The following VWA8 variants were observed in gnomAD, a reference collection of about 807,000 sequenced individuals.
The protein encoded by VWA8 is von Willebrand factor A domain containing 8, also known as von Willebrand factor A domain-containing protein 8.
Under a neutral mutation model 241.5 loss-of-function variants are expected in VWA8, and 221 were observed. The ratio of observed to expected loss-of-function variants is 0.91; its 90% CI spans 0.82 to 1.02. The LOEUF (loss-of-function observed/expected upper bound fraction) is 1.02. Ranked by LOEUF, VWA8 falls within the 50% of genes least tolerant of loss-of-function variation. The pLI is 0.00. For synonymous variants in VWA8, 852 were observed against 827.1 expected, an observed-to-expected ratio of 1.03 and a Z score of -0.52; for missense variants, 2,322 against 2,328.7, an observed-to-expected ratio of 1.00 and a Z score of 0.06.
chr13:41,793,146 A>G (rs1300421407), intron 17 of VWA8, among the ~76,000 whole-genome samples: 1 of 152,082 alleles, frequency 6.6e-6, no homozygotes, highest in Non-Finnish European at 1.5e-5. Context: ...TTCTGCTTGT[A>G]GTTTACTAAG....
At chr13:41,747,693 C>T (rs188778345) in intron 21 of VWA8, among the ~76,000 whole-genome samples, 2,259 of 152,224 alleles carry the variant, frequency 0.015, 29 homozygotes, top group Middle Eastern at 0.054. Context: ...AAAGGGAATG[C>T]TTCCAGTTTT....
rs186133453 is a variant in VWA8 at position 41,721,623 on chromosome 13, G to A, written c.2759-48C>T. On this transcript the variant is annotated intron_variant, in intron 24 of 44. Transcript: ENST00000379310. The stretch of plus-strand genomic sequence containing the variant: ...ATTCAGTATGCAACAAATCCATTAC[G>A]ATGTCACAGGAAAAAATGGAATGGT... The A allele has an allele frequency of 2.7e-4, 417 of 1,544,570 alleles. 1 individual carries two copies. Among genetic ancestry groups the A allele is most frequent in the Middle Eastern group, 1.4e-3 (8 of 5,756 alleles).
chr13:41,944,750 T>C (rs1339416479), intron 2 of VWA8, among the ~76,000 whole-genome samples: 1 of 152,188 alleles, frequency 6.6e-6, no homozygotes, highest in Admixed American at 6.5e-5. Context: ...CCTGAAATGC[T>C]CCATTTTTAG....
chr13:41,770,440 CAA>C lies in VWA8; in HGVS notation c.2349+7543_2349+7544del, dbSNP rs35797822. Among the ~76,000 whole-genome samples the C allele has an allele frequency of 6.5e-4, 67 of 102,412 alleles. No homozygotes were observed. The East Asian group carries it at 8.2e-3, about 12-fold the overall frequency. 67.2% of individuals were successfully genotyped at this position (102,412 alleles called of 152,430 possible). ...TGGGCGACAGAGCGAGACTCCGTTT[CAA>C]AAAAAAAAAAAAAAAGAAAAGAAAC... On this transcript the variant is annotated intron_variant, in intron 20 of 44. Coordinates refer to ENST00000379310, the MANE Select transcript of VWA8 (RefSeq NM_015058.2).
intron 2 of VWA8, among the ~76,000 whole-genome samples, chr13:41,924,832 T>TA (rs1876753518): frequency 6.6e-6 from 1 of 152,140 alleles, no homozygotes; most frequent in Admixed American, 6.5e-5. Flanking sequence ...TACATATGTA[T>TA]ACATGTGCCA....
intron 43 of VWA8, among the ~76,000 whole-genome samples, chr13:41,571,689 G>A (rs1297639938): frequency 3.3e-5 from 5 of 152,152 alleles, no homozygotes; most frequent in African/African-American, 4.8e-5. Context: ...GCGTGATCTC[G>A]GCTCGCTGCA....
intron 2 of VWA8, among the ~76,000 whole-genome samples, chr13:41,931,594 A>T (rs1877123737): frequency 6.6e-6 from 1 of 152,008 alleles, no homozygotes; most frequent in African/African-American, 2.4e-5. Flanking sequence ...CAAAAAAAAC[A>T]TGAGTAACTA....
In VWA8 at chr13:41,872,610, C is replaced by T. The variant is rs549560924; in HGVS notation, c.1081-4133G>A. Among the ~76,000 whole-genome samples, 12 of 152,268 alleles carry T rather than the reference C, an allele frequency of 7.9e-5. No individual in the cohort carries two copies. The East Asian group carries it at 1.7e-3, about 22-fold the overall frequency. ...TTTCTCAGGTTTGTCAAAGATCAGA[C>T]AGTTGTAGATATATGGCGTTATTTC... On this transcript the variant is annotated intron_variant, in intron 9 of 44. Coordinates refer to ENST00000379310, the MANE Select transcript of VWA8 (RefSeq NM_015058.2).
At chr13:41,606,658 T>A (rs1302990812) in intron 39 of VWA8, among the ~76,000 whole-genome samples, 1 of 152,160 alleles carries the variant, frequency 6.6e-6, no homozygotes, top group Non-Finnish European at 1.5e-5. Context: ...AAATACTGAA[T>A]GAGAATAAAT....
At chr13:41,814,449 G>T (rs890598653) in intron 16 of VWA8, among the ~76,000 whole-genome samples, 2 of 152,108 alleles carry the variant, frequency 1.3e-5, no homozygotes, top group Admixed American at 1.3e-4. Flanking sequence ...AGAGACATTT[G>T]AGTATAAGCG....
intron 17 of VWA8, among the ~76,000 whole-genome samples, chr13:41,795,182 A>G (rs1037745735): frequency 6.7e-6 from 1 of 148,350 alleles, no homozygotes; most frequent in Non-Finnish European, 1.5e-5. Context: ...TAGGCAGCCA[A>G]CGAACATGAA....
chr13:41,807,786 T>C (rs1244964580), intron 17 of VWA8: 1 of 152,134 alleles, frequency 6.6e-6, no homozygotes, highest in Non-Finnish European at 1.5e-5. Flanking sequence ...TGACTGGGTA[T>C]CTGCACTAAG....
intron 21 of VWA8, among the ~76,000 whole-genome samples, chr13:41,735,507 C>A (rs2045517691): frequency 6.6e-6 from 1 of 151,980 alleles, no homozygotes; most frequent in South Asian, 2.1e-4. Flanking sequence ...AGAATAAATG[C>A]AAATGGGAAA....
intron 35 of VWA8, among the ~76,000 whole-genome samples, chr13:41,677,519 G>A (rs868404173): frequency 6.6e-6 from 1 of 152,138 alleles, no homozygotes; most frequent in South Asian, 2.1e-4. Context: ...GATACAGCTG[G>A]AGAGTGATGG....
At chr13:41,702,238 AATGTTTGGACTAG>A (rs569850988) in intron 27 of VWA8, among the ~76,000 whole-genome samples, 222 of 152,286 alleles carry the variant, frequency 1.5e-3, no homozygotes, top group African/African-American at 5.1e-3. Context: ...ATTAATCAAA[AATGTTTGGACTAG>A]ATATTGGCAT....
intron 28 of VWA8, among the ~76,000 whole-genome samples, chr13:41,699,670 C>T (rs969232145): frequency 6.6e-6 from 1 of 152,178 alleles, no homozygotes; most frequent in African/African-American, 2.4e-5. Flanking sequence ...CTTCTATCTG[C>T]TAATCTTGCA....
intron 21 of VWA8, among the ~76,000 whole-genome samples, chr13:41,758,389 T>TAG (rs2045710947): frequency 1.5e-4 from 2 of 12,962 alleles, no homozygotes; most frequent in Non-Finnish European, 5.3e-4. Flanking sequence ...TATATATATA[T>TAG]ATACGCTAGT....
At chr13:41,927,026 T>G in intron 2 of VWA8, 2 of 403,406 alleles carry the variant, frequency 5.0e-6, no homozygotes, top group South Asian at 4.1e-5. Context: ...AGAGAATCTG[T>G]CCAAGCACTT....
At chr13:41,740,130 C>A (rs1258111155) in intron 21 of VWA8, among the ~76,000 whole-genome samples, 1 of 152,036 alleles carries the variant, frequency 6.6e-6, no homozygotes. Flanking sequence ...GCTGGGATTA[C>A]AGGAGTGAGC....
Sources: gnomAD v4.1 joint callset for allele counts (sites outside exome capture counted in the v4.1 genomes callset) on GRCh38, gnomAD v4.1.1 for gene constraint, MANE v1.5 for transcripts, NCBI Gene and HGNC (gene_info 2026-07-23, HGNC 2026-07-21) for gene names.